Variants in LHFPL2 observed in about 807,000 individuals in gnomAD.
LHFPL2 encodes LHFPL tetraspan subfamily member 2, also known as LHFPL tetraspan subfamily member 2 protein.
In LHFPL2, 7 loss-of-function variants were observed where a neutral mutation model predicts 17.5. The ratio of observed to expected loss-of-function variants is 0.40; its 90% CI spans 0.23 to 0.75. The LOEUF (loss-of-function observed/expected upper bound fraction) is 0.75. Ranked by LOEUF, LHFPL2 falls within the 30% of genes least tolerant of loss-of-function variation. The probability of loss-of-function intolerance (pLI) is 0.37; values close to 1 mark genes in which losing one functional copy is unlikely to be tolerated. For synonymous variants in LHFPL2, 134 were observed against 116.2 expected, an observed-to-expected ratio of 1.15 and a Z score of -0.99; for missense variants, 241 against 294.8, an observed-to-expected ratio of 0.82 and a Z score of 1.34.
chr5:78,591,429 C>G (rs1047407976), intron 2 of LHFPL2, among the ~76,000 whole-genome samples: 5 of 152,090 alleles, frequency 3.3e-5, no homozygotes, highest in Admixed American at 3.3e-4. Flanking sequence ...AAATGTTTAC[C>G]TCTGAGAATA....
chr5:78,585,163 C>T lies in LHFPL2; in HGVS notation c.-244-20292G>A, dbSNP rs557070357. Among the ~76,000 whole-genome samples the T allele has an allele frequency of 2.1e-3, 245 of 114,906 alleles. 65 individuals are homozygous for T. The highest frequency in any genetic ancestry group is 4.2e-3 in the Admixed American group (50 of 11,966). The allele number at this position is 114,906 out of a possible 152,430, so 75.4% of individuals were successfully genotyped here. A position where few individuals can be genotyped will look rare whatever the true frequency, so the allele number is the denominator to read the frequency against. Reference sequence around the variant, plus strand: ...CTGGGACTACAGGTGCCCGCCACTACGCCCGGCTAATTTTTTGTATTTTTA... The same window carrying T: ...CTGGGACTACAGGTGCCCGCCACTATGCCCGGCTAATTTTTTGTATTTTTA... On this transcript the variant is annotated intron_variant, in intron 2 of 4. Coordinates refer to ENST00000380345, the MANE Select transcript of LHFPL2 (RefSeq NM_005779.3).
intron 3 of LHFPL2, among the ~76,000 whole-genome samples, chr5:78,536,674 G>A (rs1266631219): frequency 6.6e-6 from 1 of 152,128 alleles, no homozygotes; most frequent in Non-Finnish European, 1.5e-5. Flanking sequence ...CTAGCTCAGG[G>A]CTGTGTTTTT....
At chr5:78,489,591 T>A (rs1258706881) in intron 4 of LHFPL2, among the ~76,000 whole-genome samples, 1 of 152,064 alleles carries the variant, frequency 6.6e-6, no homozygotes, top group East Asian at 1.9e-4. Context: ...AGAGATGAGG[T>A]CTTGCTATGT....
At chr5:78,550,656 C>T (rs576405078) in intron 3 of LHFPL2, among the ~76,000 whole-genome samples, 27 of 152,160 alleles carry the variant, frequency 1.8e-4, no homozygotes, top group East Asian at 7.7e-4. Context: ...CTGCAATCTC[C>T]GCCTCCCGGG....
At position 78,488,813 on chromosome 5, in the gene LHFPL2, A is replaced by T; in HGVS notation, c.*84T>A. On this transcript the variant is annotated 3_prime_UTR_variant, in exon 5 of 5. Coordinates refer to ENST00000380345, the MANE Select transcript of LHFPL2 (RefSeq NM_005779.3). ...AACGTGGCTTTGGTAGGTAAAGGTT[A>T]GTTCTCCACTTGACTCAAATGATGA... 1.3e-6 allele frequency: 2 copies of T among 1,495,690 alleles called. No homozygotes were observed. The allele number at this position is 1,495,690 out of a possible 1,614,324, so 92.7% of individuals were successfully genotyped here.
intron 3 of LHFPL2, among the ~76,000 whole-genome samples, chr5:78,552,851 C>T (rs1756482880): frequency 6.6e-6 from 1 of 152,176 alleles, no homozygotes; most frequent in East Asian, 1.9e-4. Context: ...TTCAACAAAG[C>T]GTCACGGGCT....
At chr5:78,590,256 A>G (rs182330200) in intron 2 of LHFPL2, 1 of 152,154 alleles carries the variant, frequency 6.6e-6, no homozygotes, top group Non-Finnish European at 1.5e-5. Context: ...GGTATGTTGT[A>G]ATGAAAAGCT....
At chr5:78,560,231 A>G (rs1253878041) in intron 3 of LHFPL2, among the ~76,000 whole-genome samples, 1 of 152,270 alleles carries the variant, frequency 6.6e-6, no homozygotes, top group East Asian at 1.9e-4. Context: ...CAGAATGCAC[A>G]TAAGTGCCAC....
intron 2 of LHFPL2, chr5:78,626,179 C>A (rs1443529367): frequency 6.6e-6 from 1 of 152,254 alleles, no homozygotes; most frequent in African/African-American, 2.4e-5. Context: ...ATGAGGAAAT[C>A]TGGTTCCTTC....
intron 2 of LHFPL2, among the ~76,000 whole-genome samples, chr5:78,580,254 C>G (rs556956487): frequency 2.6e-4 from 39 of 152,262 alleles, no homozygotes; most frequent in South Asian, 4.1e-4. Flanking sequence ...AGCCCTTTGT[C>G]AGATGAGTAG....
At chr5:78,643,166 A>G (rs998608960) in intron 1 of LHFPL2, among the ~76,000 whole-genome samples, 2 of 152,238 alleles carry the variant, frequency 1.3e-5, no homozygotes, top group South Asian at 2.1e-4. Context: ...CTCTAGTCCA[A>G]CAACTACTGT....
At chr5:78,496,793 A>C (rs1754621109) in intron 4 of LHFPL2, among the ~76,000 whole-genome samples, 4 of 152,204 alleles carry the variant, frequency 2.6e-5, no homozygotes, top group Admixed American at 1.3e-4. Flanking sequence ...GGGAAGCCTC[A>C]CTGGCTTTTC....
intron 2 of LHFPL2, among the ~76,000 whole-genome samples, chr5:78,631,291 G>T (rs190817559): frequency 1.3e-4 from 20 of 152,336 alleles, no homozygotes; most frequent in Admixed American, 1.2e-3. Flanking sequence ...CCAGGGTCTA[G>T]TTGACAACTC....
At chr5:78,545,420 T>C (rs11960282) in intron 3 of LHFPL2, among the ~76,000 whole-genome samples, 55,004 of 152,024 alleles carry the variant, frequency 0.36, 10,927 homozygotes, top group Middle Eastern at 0.47. Context: ...GGAAAGAAAA[T>C]GAACATTTTT....
intron 3 of LHFPL2, among the ~76,000 whole-genome samples, chr5:78,557,902 G>GTAT (rs923800306): frequency 2.0e-5 from 3 of 152,220 alleles, no homozygotes; most frequent in Non-Finnish European, 2.9e-5. Flanking sequence ...CAGGACCATT[G>GTAT]TATGACTAAC....
At chr5:78,610,574 C>T (rs1744386960) in intron 2 of LHFPL2, among the ~76,000 whole-genome samples, 1 of 152,080 alleles carries the variant, frequency 6.6e-6, no homozygotes, top group African/African-American at 2.4e-5. Context: ...TCATGGGCTT[C>T]AAAAACCCAG....
chr5:78,626,731 G>A (rs1175193393), intron 2 of LHFPL2: 1 of 152,130 alleles, frequency 6.6e-6, no homozygotes, highest in African/African-American at 2.4e-5. Flanking sequence ...CAGTGGGTAG[G>A]GTCTTCATGA....
intron 3 of LHFPL2, among the ~76,000 whole-genome samples, chr5:78,523,267 G>A (rs1755514401): frequency 6.6e-6 from 1 of 152,106 alleles, no homozygotes; most frequent in Admixed American, 6.6e-5. Flanking sequence ...ACAGCCCCTC[G>A]TACCCATTCG....
At chr5:78,498,585 A>G (rs1186052895) in intron 4 of LHFPL2, among the ~76,000 whole-genome samples, 1 of 152,178 alleles carries the variant, frequency 6.6e-6, no homozygotes, top group Non-Finnish European at 1.5e-5. Flanking sequence ...AGGAGGGCAC[A>G]TGTATCAGAC....
Sources: allele counts gnomAD v4.1 joint callset (sites outside exome capture counted in the v4.1 genomes callset), GRCh38; gene constraint gnomAD v4.1.1; transcripts MANE v1.5; gene names NCBI Gene and HGNC (gene_info 2026-07-23, HGNC 2026-07-21).